NR2F1-AS1: variants seen among roughly 807,000 people sequenced by gnomAD.
The protein encoded by NR2F1-AS1 is NR2F1 antisense RNA 1.
chr5:93,442,222 T>C (rs1429639779), intron 4 of NR2F1-AS1, among the ~76,000 whole-genome samples: 2 of 152,056 alleles, frequency 1.3e-5, no homozygotes, highest in African/African-American at 4.8e-5. Context: ...CCACAGAGTG[T>C]GAGCTGAAGC....
intron 4 of NR2F1-AS1, among the ~76,000 whole-genome samples, chr5:93,535,259 T>A (rs2149902517): frequency 6.7e-6 from 1 of 150,098 alleles, no homozygotes; most frequent in African/African-American, 2.4e-5. Flanking sequence ...AAATAATAAG[T>A]TAAAAAATGT....
intron 4 of NR2F1-AS1, among the ~76,000 whole-genome samples, chr5:93,455,412 G>A (rs1412631840): frequency 1.3e-5 from 2 of 151,892 alleles, no homozygotes; most frequent in Non-Finnish European, 2.9e-5. Context: ...AAACAAAGAG[G>A]TATATGGTTA....
intron 4 of NR2F1-AS1, among the ~76,000 whole-genome samples, chr5:93,552,543 T>C (rs988997715): frequency 3.3e-5 from 5 of 152,068 alleles, no homozygotes; most frequent in Admixed American, 2.6e-4. Flanking sequence ...CATGTACTTG[T>C]AGGATAAGGA....
chr5:93,567,865 T>C (rs888419552), intron 1 of NR2F1-AS1, among the ~76,000 whole-genome samples: 1 of 152,208 alleles, frequency 6.6e-6, no homozygotes, highest in African/African-American at 2.4e-5. Flanking sequence ...CTGACACCAA[T>C]AGGAGATGAA....
At chr5:93,517,715 A>C (rs1751425940) in intron 4 of NR2F1-AS1, among the ~76,000 whole-genome samples, 1 of 152,148 alleles carries the variant, frequency 6.6e-6, no homozygotes. Context: ...ACCATCAGTC[A>C]TATATGCATG....
intron 4 of NR2F1-AS1, among the ~76,000 whole-genome samples, chr5:93,421,528 G>A (rs932573458): frequency 3.3e-5 from 5 of 152,170 alleles, no homozygotes; most frequent in Non-Finnish European, 7.3e-5. Context: ...ACGTCATCCA[G>A]GCTTTGCAAA....
intron 4 of NR2F1-AS1, among the ~76,000 whole-genome samples, chr5:93,451,532 A>AGCT (rs1749829806): frequency 6.6e-6 from 1 of 151,978 alleles, no homozygotes; most frequent in African/African-American, 2.4e-5. Flanking sequence ...CCTCCCAAGT[A>AGCT]GCTGGGACCA....
At chr5:93,479,855 A>T (rs550812676) in intron 4 of NR2F1-AS1, among the ~76,000 whole-genome samples, 15 of 152,092 alleles carry the variant, frequency 9.9e-5, no homozygotes, top group East Asian at 9.7e-4. Flanking sequence ...ATTTTTTTTT[A>T]AAAAGAACAC....
At chr5:93,440,749 G>T (rs1410699402) in intron 4 of NR2F1-AS1, among the ~76,000 whole-genome samples, 1 of 152,198 alleles carries the variant, frequency 6.6e-6, no homozygotes, top group Non-Finnish European at 1.5e-5. Flanking sequence ...TGTCACTGAT[G>T]TTTTCCCTAA....
intron 4 of NR2F1-AS1, among the ~76,000 whole-genome samples, chr5:93,437,284 T>A (rs1394304593): frequency 6.6e-6 from 1 of 152,186 alleles, no homozygotes; most frequent in Non-Finnish European, 1.5e-5. Flanking sequence ...ACACCGGATT[T>A]CAAAGATTTA....
intron 4 of NR2F1-AS1, among the ~76,000 whole-genome samples, chr5:93,420,308 T>G (rs776423167): frequency 6.6e-5 from 10 of 152,158 alleles, no homozygotes; most frequent in Non-Finnish European, 8.8e-5. Flanking sequence ...CTTCTCCAGA[T>G]AGAACGAGCA....
chr5:93,502,239 G>A (rs1438765910), intron 4 of NR2F1-AS1, among the ~76,000 whole-genome samples: 1 of 152,118 alleles, frequency 6.6e-6, no homozygotes, highest in Non-Finnish European at 1.5e-5. Flanking sequence ...ACAGTGGTCT[G>A]GAGCTGAACT....
intron 4 of NR2F1-AS1, among the ~76,000 whole-genome samples, chr5:93,460,921 G>A (rs940677958): frequency 1.3e-5 from 2 of 152,216 alleles, no homozygotes; most frequent in Non-Finnish European, 2.9e-5. Flanking sequence ...GGAAGACAGT[G>A]TGGCAATACC....
At chr5:93,463,822 T>C (rs1343360493) in intron 4 of NR2F1-AS1, among the ~76,000 whole-genome samples, 1 of 152,204 alleles carries the variant, frequency 6.6e-6, no homozygotes, top group Non-Finnish European at 1.5e-5. Flanking sequence ...TTCTCCCATT[T>C]GGAATGGGTC....
intron 4 of NR2F1-AS1, among the ~76,000 whole-genome samples, chr5:93,459,165 G>C (rs1194951123): frequency 1.3e-5 from 2 of 151,910 alleles, no homozygotes; most frequent in Non-Finnish European, 2.9e-5. Flanking sequence ...TTTTAAAATA[G>C]ACAAGCTTTA....
intron 4 of NR2F1-AS1, among the ~76,000 whole-genome samples, chr5:93,541,576 T>C (rs567174723): frequency 6.6e-6 from 1 of 152,260 alleles, no homozygotes; most frequent in Non-Finnish European, 1.5e-5. Flanking sequence ...ACTTTGCAAC[T>C]TTACCCTGGA....
intron 4 of NR2F1-AS1, among the ~76,000 whole-genome samples, chr5:93,440,066 TA>T (rs1749529761): frequency 6.6e-6 from 1 of 152,116 alleles, no homozygotes; most frequent in African/African-American, 2.4e-5. Context: ...CTTTGGAAAG[TA>T]AAAAAGGGAA....
intron 4 of NR2F1-AS1, among the ~76,000 whole-genome samples, chr5:93,451,149 C>T (rs1049100054): frequency 1.6e-4 from 25 of 151,580 alleles, no homozygotes; most frequent in Non-Finnish European, 3.2e-4. Context: ...GAAAGTGATA[C>T]CCCAGGTATT....
intron 4 of NR2F1-AS1, among the ~76,000 whole-genome samples, chr5:93,505,600 G>A (rs1751169386): frequency 6.6e-6 from 1 of 152,200 alleles, no homozygotes; most frequent in South Asian, 2.1e-4. Context: ...CTTGACTTCT[G>A]TGCCCTTGCA....
Sources: allele counts gnomAD v4.1 joint callset (sites outside exome capture counted in the v4.1 genomes callset), GRCh38; gene constraint gnomAD v4.1.1; transcripts MANE v1.5; gene names NCBI Gene and HGNC (gene_info 2026-07-23, HGNC 2026-07-21).